Variants in ABCB5 observed in about 807,000 individuals in gnomAD.
The protein encoded by ABCB5 is ATP binding cassette subfamily B member 5.
Under a neutral mutation model 144.2 loss-of-function variants are expected in ABCB5, and 155 were observed. The ratio of observed to expected loss-of-function variants is 1.08; its 90% confidence interval spans 0.94 to 1.23. The LOEUF (loss-of-function observed/expected upper bound fraction) is 1.23. Ranked by LOEUF, ABCB5 falls within the 50% of genes most tolerant of loss-of-function variation. The pLI is 0.00. For missense variants in ABCB5, 1,830 were observed against 1,520.8 expected (o/e 1.20, Z -3.38); for synonymous variants, 610 against 528.6 (o/e 1.15, Z -2.11).
rs923531179 is a variant in ABCB5, at chr7:20,710,606, T to C, written c.2421+5799T>C. Among the ~76,000 whole-genome samples the C allele has an allele frequency of 3.1e-4, 47 of 149,660 alleles. 3 individuals carry two copies. The highest frequency in any genetic ancestry group is 1.1e-3 in the African/African-American group (46 of 40,528). On this transcript the variant is annotated intron_variant, in intron 20 of 27. Coordinates refer to ENST00000404938, the MANE Select transcript of ABCB5 (RefSeq NM_001163941.2). ...GTTTGTCAACCCACGCAATAAAAAA[T>C]CCACAAAAGAACTTCAAGTGGCATT...
intron 16 of ABCB5, 79 bp from the exon 17 acceptor site, chr7:20,698,328 C>A: frequency 4.7e-6 from 6 of 1,268,238 alleles, no homozygotes; most frequent in Non-Finnish European, 6.4e-6. Flanking sequence ...CATTATAATT[C>A]TGTTTATGAT....
intron 1 of ABCB5, among the ~76,000 whole-genome samples, chr7:20,616,380 C>G (rs1783685483): frequency 6.6e-6 from 1 of 152,180 alleles, no homozygotes; most frequent in Admixed American, 6.6e-5. Flanking sequence ...TTCCATCCAA[C>G]CAGTATATCT....
At position 20,646,689 on chromosome 7, in the gene ABCB5, A is replaced by G. The variant is rs1784419608; in HGVS notation, c.981+551A>G. ...AATAATTTATTCAGTTATCCTCTTA[A>G]GTTACAATAAACAGATCAGTTCAGG... On this transcript the variant is annotated intron_variant, in intron 9 of 27. Coordinates refer to ENST00000404938, the MANE Select transcript of ABCB5 (RefSeq NM_001163941.2). Among the ~76,000 whole-genome samples, 7 of 152,328 alleles carry G rather than the reference A, an allele frequency of 4.6e-5. No individual in the cohort carries two copies. The South Asian group carries it at 1.5e-3, about 32-fold the overall frequency.
intron 14 of ABCB5, among the ~76,000 whole-genome samples, chr7:20,678,760 A>G (rs573907845): frequency 3.9e-5 from 6 of 152,390 alleles, no homozygotes; most frequent in African/African-American, 1.4e-4. Context: ...AAGACAGCAT[A>G]GCATTGGTGC....
At chr7:20,620,400 AT>A (rs1783783539) in intron 1 of ABCB5, among the ~76,000 whole-genome samples, 1 of 152,134 alleles carries the variant, frequency 6.6e-6, no homozygotes, top group East Asian at 1.9e-4. Context: ...AACGTAGATA[AT>A]TTTTTCTTCA....
chr7:20,691,168 C>CTTTTTTTTTTTTTT (rs58696871), intron 16 of ABCB5, among the ~76,000 whole-genome samples: 1 of 46,080 alleles, frequency 2.2e-5, no homozygotes, highest in East Asian at 9.4e-4. Context: ...ACCCAGTGGA[C>CTTTTTTTTTTTTTT]TTTTTTTTTT....
At chr7:20,689,109 A>G (rs1358971109) in intron 16 of ABCB5, among the ~76,000 whole-genome samples, 4 of 152,156 alleles carry the variant, frequency 2.6e-5, no homozygotes, top group African/African-American at 9.7e-5. Context: ...TAGAACTTAA[A>G]GTATAATAAT....
chr7:20,711,226 C>T (rs10950829), intron 20 of ABCB5, among the ~76,000 whole-genome samples: 99,799 of 148,496 alleles, frequency 0.67, 36,197 homozygotes, highest in East Asian at 0.95. Context: ...TATTTACTCA[C>T]GTAGCTAACA....
intron 11 of ABCB5, among the ~76,000 whole-genome samples, 168 bp downstream of exon 11, chr7:20,648,246 C>G (rs1339439014): frequency 1.3e-4 from 20 of 152,138 alleles, no homozygotes; most frequent in Non-Finnish European, 2.9e-4. Context: ...TCTGGATCAA[C>G]TAGTTATATT....
chr7:20,689,228 C>T (rs1482612441), intron 16 of ABCB5, among the ~76,000 whole-genome samples: 4 of 152,252 alleles, frequency 2.6e-5, no homozygotes, highest in South Asian at 4.1e-4. Flanking sequence ...CAGCACCCAT[C>T]GATGATCCCT....
intron 12 of ABCB5, 125 bp downstream of exon 12, chr7:20,650,272 T>C: frequency 8.0e-7 from 1 of 1,257,190 alleles, no homozygotes; most frequent in Non-Finnish European, 1.1e-6. Flanking sequence ...ATTGTTTTCT[T>C]TCCTTTGTAT....
At position 20,755,469 on chromosome 7, in the gene ABCB5, T is replaced by G. The variant is rs199945642; in HGVS notation, c.3619T>G (p.Cys1207Gly). 206 of 1,614,090 alleles carry G rather than the reference T, an allele frequency of 1.3e-4. No homozygotes were observed. The highest frequency in any genetic ancestry group is 1.7e-4 in the Non-Finnish European group (198 of 1,180,046). ...TGATAAAGCCAGGACGGGAAGGACA[T>G]GCCTAGTGGTCACTCACAGGCTCTC... ...ALDKARTGRTCLVVTHRLSAI... is the reference protein window; with the variant it reads ...ALDKARTGRTGLVVTHRLSAI... Residue 1207 changes from cysteine to glycine, a missense_variant, in exon 28 of 28, where the codon TGC (cysteine) becomes GGC (glycine). Transcript: ENST00000404938.
intron 15 of ABCB5, among the ~76,000 whole-genome samples, chr7:20,684,327 C>A (rs1785921585): frequency 6.6e-6 from 1 of 152,042 alleles, no homozygotes; most frequent in Non-Finnish European, 1.5e-5. Flanking sequence ...ATTATTTTGT[C>A]CAGCGACCTT....
chr7:20,748,246 C>T (rs1344173845), intron 26 of ABCB5, among the ~76,000 whole-genome samples: 1 of 152,140 alleles, frequency 6.6e-6, no homozygotes, highest in East Asian at 1.9e-4. Flanking sequence ...TGGATAATGG[C>T]ACTGGTATAC....
At chr7:20,626,736 C>A in intron 3 of ABCB5, 125 bp downstream of exon 3, 6 of 746,182 alleles carry the variant, frequency 8.0e-6, no homozygotes, top group South Asian at 6.6e-5. Context: ...TAAAATAATT[C>A]ATTAAAGTAT....
intron 16 of ABCB5, among the ~76,000 whole-genome samples, chr7:20,691,582 TTTTA>T (rs71020667): frequency 2.0e-4 from 30 of 146,890 alleles, no homozygotes; most frequent in Admixed American, 2.7e-4. Flanking sequence ...TTAAATTCAT[TTTTA>T]TTTATTTATT....
chr7:20,703,946 G>T (rs891172796), intron 19 of ABCB5, among the ~76,000 whole-genome samples: 16 of 152,190 alleles, frequency 1.1e-4, no homozygotes, highest in Non-Finnish European at 2.2e-4. Flanking sequence ...GTTCTAGGAG[G>T]TAATGTGAAG....
chr7:20,704,938 C>T (rs1034510058), intron 20 of ABCB5, 131 bp downstream of exon 20: 1 of 569,620 alleles, frequency 1.8e-6, no homozygotes, highest in Non-Finnish European at 2.9e-6. Flanking sequence ...AGGTAAGTCT[C>T]ACGGTTAACA....
At chr7:20,717,150 C>A (rs1781699866) in intron 20 of ABCB5, among the ~76,000 whole-genome samples, 2 of 152,154 alleles carry the variant, frequency 1.3e-5, no homozygotes, top group South Asian at 4.2e-4. Context: ...AGCATCTCAC[C>A]GGTTGTCTAG....
Sources: gnomAD v4.1 joint callset for allele counts (sites outside exome capture counted in the v4.1 genomes callset) on GRCh38, gnomAD v4.1.1 for gene constraint, MANE v1.5 for transcripts, NCBI Gene and HGNC (gene_info 2026-07-23, HGNC 2026-07-21) for gene names.